NSUN6: variants seen among roughly 807,000 people sequenced by gnomAD.
NSUN6 encodes tRNA (cytosine(72)-C(5))-methyltransferase NSUN6.
NSUN6 carries 64 observed loss-of-function variants against 58.0 expected under a neutral mutation model. The observed-to-expected ratio is 1.10, with a 90% CI of 0.90 to 1.36. The LOEUF is 1.36. Among genes scored for constraint, NSUN6 ranks in the 40% most tolerant of loss-of-function variants. NSUN6 has a pLI of 0.00. For missense variants in NSUN6, 701 were observed against 550.1 expected, an observed-to-expected ratio of 1.27 and a Z score of -2.74; for synonymous variants, 231 against 193.9, an observed-to-expected ratio of 1.19 and a Z score of -1.59.
chr10:18,632,760 G>C (rs2059079278), intron 3 of NSUN6, among the ~76,000 whole-genome samples: 1 of 152,138 alleles, frequency 6.6e-6, no homozygotes, highest in Non-Finnish European at 1.5e-5. Context: ...GAAACAACAG[G>C]TGCTGGAGAG....
At chr10:18,564,363 C>G (rs1295460595) in intron 8 of NSUN6, among the ~76,000 whole-genome samples, 1 of 150,426 alleles carries the variant, frequency 6.6e-6, no homozygotes, top group South Asian at 2.1e-4. Context: ...CCATCTGTTA[C>G]ATTCTCCATT....
chr10:18,620,106 GA>G (rs146721915), intron 3 of NSUN6, among the ~76,000 whole-genome samples: 52,094 of 144,454 alleles, frequency 0.36, 9,472 homozygotes, highest in East Asian at 0.74. Flanking sequence ...TTTTTTTTTT[GA>G]GACGGAGTCT....
chr10:18,610,632 G>A (rs996684924), intron 5 of NSUN6, among the ~76,000 whole-genome samples: 14 of 152,146 alleles, frequency 9.2e-5, no homozygotes, highest in Admixed American at 3.9e-4. Context: ...CATTTTAGGA[G>A]TGGCATTGAA....
chr10:18,638,991 G>A (rs542055798), intron 3 of NSUN6, among the ~76,000 whole-genome samples: 55 of 149,668 alleles, frequency 3.7e-4, no homozygotes, highest in African/African-American at 1.0e-3. Flanking sequence ...ATGGTGGCTG[G>A]CACTTGTAAT....
At chr10:18,589,262 C>T (rs1187735355) in intron 7 of NSUN6, among the ~76,000 whole-genome samples, 3 of 152,044 alleles carry the variant, frequency 2.0e-5, no homozygotes, top group East Asian at 3.9e-4. Flanking sequence ...AAGAAATATG[C>T]GACTATGTGA....
At chr10:18,653,779 G>A (rs1367959634), upstream of NSUN6, among the ~76,000 whole-genome samples, 1 of 152,194 alleles carries the variant, frequency 6.6e-6, no homozygotes, top group Non-Finnish European at 1.5e-5. Flanking sequence ...TACAAAACAA[G>A]AGGTTGGCAT....
chr10:18,656,171 T>C (rs924568072), upstream of NSUN6, among the ~76,000 whole-genome samples: 2 of 152,198 alleles, frequency 1.3e-5, no homozygotes, highest in Non-Finnish European at 2.9e-5. Context: ...ATATGGCAGG[T>C]AGAATTTTCT....
At chr10:18,594,693 A>G (rs1036267683) in intron 7 of NSUN6, among the ~76,000 whole-genome samples, 4 of 152,036 alleles carry the variant, frequency 2.6e-5, no homozygotes, top group East Asian at 1.9e-4. Context: ...TCGTGATCCA[A>G]TTGTGGCTCA....
At chr10:18,612,142 G>A (rs1002309263) in intron 5 of NSUN6, among the ~76,000 whole-genome samples, 8 of 152,152 alleles carry the variant, frequency 5.3e-5, no homozygotes, top group African/African-American at 9.7e-5. Context: ...AGTCCTGGCT[G>A]GGTGTGGCGT....
At chr10:18,559,866 T>C (rs994080406) in intron 8 of NSUN6, among the ~76,000 whole-genome samples, 2 of 143,598 alleles carry the variant, frequency 1.4e-5, no homozygotes, top group Non-Finnish European at 3.1e-5. Flanking sequence ...AGTGGGGATT[T>C]GAATGCGGAA....
intron 8 of NSUN6, among the ~76,000 whole-genome samples, chr10:18,553,497 A>G (rs1208169554): frequency 6.6e-6 from 1 of 150,934 alleles, no homozygotes; most frequent in African/African-American, 2.4e-5. Context: ...TGGAATGGAG[A>G]ATGGAATGGA....
intron 9 of NSUN6, among the ~76,000 whole-genome samples, chr10:18,550,394 C>T (rs920644609): frequency 2.0e-5 from 3 of 152,162 alleles, no homozygotes; most frequent in Non-Finnish European, 4.4e-5. Flanking sequence ...AGAGTTGAAT[C>T]AGAATGTACT....
chr10:18,636,510 C>CA (rs2059219203), intron 3 of NSUN6, among the ~76,000 whole-genome samples: 1 of 151,030 alleles, frequency 6.6e-6, no homozygotes, highest in South Asian at 2.1e-4. Context: ...CAAAACAAAA[C>CA]AAAAAACAGT....
intron 8 of NSUN6, among the ~76,000 whole-genome samples, chr10:18,585,171 T>C (rs934560195): frequency 2.6e-5 from 4 of 152,096 alleles, no homozygotes; most frequent in Admixed American, 1.3e-4. Flanking sequence ...AAATAATATA[T>C]GCCGGCAAGG....
At chr10:18,599,060 T>C (rs1354781711) in intron 6 of NSUN6, among the ~76,000 whole-genome samples, 10 of 152,230 alleles carry the variant, frequency 6.6e-5, no homozygotes, top group East Asian at 5.8e-4. Context: ...TTTTTGGAGA[T>C]AGAGTCTTGC....
At chr10:18,559,198 T>C (rs1171592916) in intron 8 of NSUN6, among the ~76,000 whole-genome samples, 8 of 147,714 alleles carry the variant, frequency 5.4e-5, no homozygotes, top group Non-Finnish European at 3.0e-5. Flanking sequence ...GAAGATGGAA[T>C]GGAATAGAGA....
intron 2 of NSUN6, among the ~76,000 whole-genome samples, chr10:18,644,147 C>A (rs2059470399): frequency 6.6e-6 from 1 of 152,232 alleles, no homozygotes; most frequent in Non-Finnish European, 1.5e-5. Flanking sequence ...ATCCTTCACG[C>A]TCACTGGCAG....
At chr10:18,580,963 GAAAGT>G (rs1390274342) in intron 8 of NSUN6, among the ~76,000 whole-genome samples, 1 of 152,190 alleles carries the variant, frequency 6.6e-6, no homozygotes, top group Non-Finnish European at 1.5e-5. Context: ...ATAAATGAAA[GAAAGT>G]AAAGTACACT....
chr10:18,587,270 G>C (rs1371573004), intron 7 of NSUN6, among the ~76,000 whole-genome samples: 4 of 152,132 alleles, frequency 2.6e-5, no homozygotes, highest in African/African-American at 9.7e-5. Context: ...AGTGCTTTGA[G>C]ATGCAAATGA....
Sources: gnomAD v4.1 joint callset for allele counts (sites outside exome capture counted in the v4.1 genomes callset) on GRCh38, gnomAD v4.1.1 for gene constraint, MANE v1.5 for transcripts, NCBI Gene and HGNC (gene_info 2026-07-23, HGNC 2026-07-21) for gene names.